The following GSTCD variants were observed in gnomAD, a reference collection of about 807,000 sequenced individuals.
GSTCD encodes glutathione S-transferase C-terminal domain-containing protein.
A neutral mutation model predicts 68.3 loss-of-function variants in GSTCD; 44 were observed. The ratio of observed to expected loss-of-function variants is 0.64; its 90% CI spans 0.51 to 0.83. The LOEUF is 0.83. GSTCD is among the 40% of genes least tolerant of loss of function. The probability of loss-of-function intolerance (pLI) is 0.00; values close to 1 mark genes in which losing one functional copy is unlikely to be tolerated. For missense variants in GSTCD, 739 were observed against 735.9 expected, an observed-to-expected ratio of 1.00 and a Z score of -0.05; for synonymous variants, 273 against 255.2, an observed-to-expected ratio of 1.07 and a Z score of -0.67.
At chr4:105,827,764 C>T (rs1723706175) in intron 8 of GSTCD, among the ~76,000 whole-genome samples, 2 of 152,030 alleles carry the variant, frequency 1.3e-5, no homozygotes, top group South Asian at 4.1e-4. Flanking sequence ...GCTTAGTTAG[C>T]ATTTATCTTT....
intron 5 of GSTCD, among the ~76,000 whole-genome samples, chr4:105,771,905 A>G (rs1173228457): frequency 6.6e-6 from 1 of 152,130 alleles, no homozygotes; most frequent in Non-Finnish European, 1.5e-5. Context: ...TAATTCTGTG[A>G]AGAAAGTCAA....
intron 5 of GSTCD, among the ~76,000 whole-genome samples, chr4:105,806,134 T>C (rs1047909100): frequency 6.6e-6 from 1 of 152,134 alleles, no homozygotes; most frequent in African/African-American, 2.4e-5. Flanking sequence ...TCTGAAAATC[T>C]AGGTACAAAG....
At position 105,799,567 on chromosome 4, in the gene GSTCD, G is replaced by A. The variant is rs148034971; in HGVS notation, c.1241-23387G>A. ...AGGGAGAGAGACAGGAGAACAGCTG[G>A]TTGTTGGAGCAGTGAGAACACACAC... On this transcript the variant is annotated intron_variant, in intron 5 of 11. Transcript: ENST00000515279. Among the ~76,000 whole-genome samples, 24 of 152,210 alleles carry A rather than the reference G, an allele frequency of 1.6e-4. No individual in the cohort carries two copies. In the East Asian group the frequency reaches 4.4e-3, roughly 28 times the overall value.
At chr4:105,761,349 A>G (rs1015594867) in intron 5 of GSTCD, 3 of 157,406 alleles carry the variant, frequency 1.9e-5, no homozygotes, top group African/African-American at 4.8e-5. Context: ...TTTGGAGAGA[A>G]CAGAGGCATC....
intron 5 of GSTCD, among the ~76,000 whole-genome samples, chr4:105,741,827 A>C (rs939445395): frequency 1.3e-5 from 2 of 152,178 alleles, no homozygotes; most frequent in African/African-American, 4.8e-5. Context: ...CATTACATTC[A>C]CTGTTTCTTA....
Position 105,719,233 on chromosome 4 carries a change from C to T in GSTCD, c.600C>T (p.Leu200=), listed in dbSNP as rs1465245388. The T allele has an allele frequency of 1.2e-6, 2 of 1,613,954 alleles. No individual in the cohort carries two copies. Among genetic ancestry groups the T allele is most frequent in the East Asian group, 2.2e-5 (1 of 44,884 alleles). ...ATGATAAACTCCGCAGGCAGAAGCT[C>T]AAGCAACAGAAGGCTGATGGAGTTG... ...HNDDKLRRQK[L]KQQKADGVGP... Residue 200 remains leucine (L), a synonymous_variant, in exon 3 of 12, where the codon CTC becomes CTT. Coordinates refer to ENST00000515279, the MANE Select transcript of GSTCD (RefSeq NM_001370181.1).
At position 105,837,909 on chromosome 4, in the gene GSTCD, G is replaced by T; in HGVS notation, c.1695+20G>T. ...TACAAGGTAACCTTAAAAAGATCTA[G>T]ATATCATCCTAATACACTTTTTATC... On this transcript the variant is annotated intron_variant, in intron 10 of 11. Transcript: ENST00000515279. The T allele has an allele frequency of 1.0e-6, 1 of 986,192 alleles. No homozygotes were observed. The highest frequency in any genetic ancestry group is 1.5e-6 in the Non-Finnish European group (1 of 661,928). The allele number at this position is 986,192 out of a possible 1,614,324, so 61.1% of individuals were successfully genotyped here. A position where few individuals can be genotyped will look rare whatever the true frequency, so the allele number is the denominator to read the frequency against.
Position 105,794,714 on chromosome 4 carries a change from A to G in GSTCD, c.1241-28240A>G, listed in dbSNP as rs939189999. Reference sequence around the variant, plus strand: ...CAACATATCCTCACCAAGAAAGTATATTCATATATGAAATAAACTTACTGG... The same window carrying G: ...CAACATATCCTCACCAAGAAAGTATGTTCATATATGAAATAAACTTACTGG... On this transcript the variant is annotated intron_variant, in intron 5 of 11. Coordinates refer to ENST00000515279, the MANE Select transcript of GSTCD (RefSeq NM_001370181.1). Among the ~76,000 whole-genome samples the G allele has an allele frequency of 3.3e-5, 5 of 151,872 alleles. 1 individual carries two copies. Among genetic ancestry groups the G allele is most frequent in the African/African-American group, 1.2e-4 (5 of 41,214 alleles).
At chr4:105,835,730 T>C (rs1724087837) in intron 9 of GSTCD, among the ~76,000 whole-genome samples, 1 of 152,108 alleles carries the variant, frequency 6.6e-6, no homozygotes, top group Non-Finnish European at 1.5e-5. Context: ...TAACTCTTAG[T>C]CCTGCCATTT....
chr4:105,795,125 G>A (rs186015317), intron 5 of GSTCD, among the ~76,000 whole-genome samples: 15 of 151,912 alleles, frequency 9.9e-5, no homozygotes, highest in East Asian at 9.7e-4. Flanking sequence ...ATCCACCCAC[G>A]TTGACCTCCC....
chr4:105,821,621 A>G (rs1723296221), intron 5 of GSTCD, among the ~76,000 whole-genome samples: 1 of 151,928 alleles, frequency 6.6e-6, no homozygotes, highest in African/African-American at 2.4e-5. Flanking sequence ...CATCATTACA[A>G]TAGGAAATTG....
At chr4:105,837,417 G>A (rs193165915) in intron 9 of GSTCD, among the ~76,000 whole-genome samples, 118 of 152,236 alleles carry the variant, frequency 7.8e-4, no homozygotes, top group African/African-American at 1.9e-3. Flanking sequence ...CATGGAAACC[G>A]CCTCCTGACC....
intron 8 of GSTCD, among the ~76,000 whole-genome samples, chr4:105,830,458 A>G (rs533810388): frequency 1.3e-5 from 2 of 152,324 alleles, no homozygotes; most frequent in Non-Finnish European, 2.9e-5. Context: ...TAAAATGTAC[A>G]TTGTACATAC....
intron 5 of GSTCD, among the ~76,000 whole-genome samples, chr4:105,792,361 G>T (rs1419617307): frequency 6.6e-6 from 1 of 151,852 alleles, no homozygotes. Flanking sequence ...TTTTTTATAT[G>T]GTACATTGAA....
chr4:105,755,496 A>G (rs1443073804), intron 5 of GSTCD, among the ~76,000 whole-genome samples: 1 of 152,202 alleles, frequency 6.6e-6, no homozygotes, highest in Non-Finnish European at 1.5e-5. Context: ...CTAACTCAAC[A>G]CATTACTTCT....
At chr4:105,722,952 T>A (rs1318471124) in intron 3 of GSTCD, among the ~76,000 whole-genome samples, 1 of 151,958 alleles carries the variant, frequency 6.6e-6, no homozygotes, top group African/African-American at 2.4e-5. Context: ...TTCAGTACCT[T>A]CTGAGCTATC....
At chr4:105,752,050 T>C (rs763808928) in intron 5 of GSTCD, among the ~76,000 whole-genome samples, 1 of 152,142 alleles carries the variant, frequency 6.6e-6, no homozygotes, top group Non-Finnish European at 1.5e-5. Context: ...GTATCTAACA[T>C]AGAGACAGCA....
chr4:105,838,646 C>CT (rs1724215758), intron 10 of GSTCD, among the ~76,000 whole-genome samples: 1 of 152,108 alleles, frequency 6.6e-6, no homozygotes, highest in Non-Finnish European at 1.5e-5. Flanking sequence ...CACAAGAGAC[C>CT]CACAGAGAAT....
intron 5 of GSTCD, among the ~76,000 whole-genome samples, chr4:105,797,961 G>A (rs1735967122): frequency 6.6e-6 from 1 of 151,854 alleles, no homozygotes; most frequent in African/African-American, 2.4e-5. Flanking sequence ...TAGAGACAGG[G>A]TTTCACCATG....
Sources: gnomAD v4.1 joint callset for allele counts (sites outside exome capture counted in the v4.1 genomes callset) on GRCh38, gnomAD v4.1.1 for gene constraint, MANE v1.5 for transcripts, NCBI Gene and HGNC (gene_info 2026-07-23, HGNC 2026-07-21) for gene names.